Variants in MAPT observed in about 807,000 individuals in gnomAD.
MAPT encodes microtubule-associated protein tau.
In MAPT, 34 loss-of-function variants were observed where a neutral mutation model predicts 67.9. The observed-to-expected ratio is 0.50, with a 90% CI of 0.38 to 0.67. MAPT has a LOEUF of 0.67. Ranked by LOEUF, MAPT falls within the 30% of genes least tolerant of loss-of-function variation. The probability of loss-of-function intolerance (pLI) is 0.00; values close to 1 mark genes in which losing one functional copy is unlikely to be tolerated. For missense variants in MAPT, 881 were observed against 1,115.2 expected, an observed-to-expected ratio of 0.79 and a Z score of 2.99; for synonymous variants, 456 against 464.5, an observed-to-expected ratio of 0.98 and a Z score of 0.23.
intron 1 of MAPT, among the ~76,000 whole-genome samples, chr17:45,916,389 G>A (rs1194585032): frequency 1.3e-5 from 2 of 152,204 alleles, no homozygotes; most frequent in Non-Finnish European, 2.9e-5. Context: ...GGATCACTCT[G>A]CTTGCAGAAC....
chr17:46,006,860 T>C (rs1235189544), intron 9 of MAPT, among the ~76,000 whole-genome samples: 1 of 151,532 alleles, frequency 6.6e-6, no homozygotes, highest in Non-Finnish European at 1.5e-5. Flanking sequence ...GAGGCGGAGC[T>C]TGCAGTGAGC....
At chr17:45,935,757 T>C (rs1394999734) in intron 1 of MAPT, among the ~76,000 whole-genome samples, 1 of 152,130 alleles carries the variant, frequency 6.6e-6, no homozygotes, top group Non-Finnish European at 1.5e-5. Context: ...CTCCTCTCTT[T>C]AGCACAGAGG....
chr17:45,925,505 C>T lies in MAPT; in HGVS notation c.-18+30819C>T, dbSNP rs560903648. 5.9e-5 allele frequency among the ~76,000 whole-genome samples: 9 copies of T among 152,352 alleles called. No individual in the cohort carries two copies. In the South Asian group the frequency reaches 1.0e-3, roughly 18 times the overall value. On this transcript the variant is annotated intron_variant, in intron 1 of 12. Coordinates refer to ENST00000262410, the MANE Select transcript of MAPT (RefSeq NM_001377265.1). ...TACTCTTTGACCCAGAATTTCACTT[C>T]TAGGAATCTGTCCTAAGGAAGTAGT...
At chr17:45,962,162 G>A (rs1437683254) in intron 1 of MAPT, among the ~76,000 whole-genome samples, 159 bp from the exon 2 acceptor site, 1 of 152,172 alleles carries the variant, frequency 6.6e-6, no homozygotes, top group Non-Finnish European at 1.5e-5. Context: ...GCAGGAATAT[G>A]GAGCACGGGA....
At chr17:45,978,257 G>A in intron 3 of MAPT, 118 bp from the exon 4 acceptor site, 2 of 821,074 alleles carry the variant, frequency 2.4e-6, no homozygotes, top group Non-Finnish European at 4.3e-6. Context: ...TGGTATTCTT[G>A]GGATGTGACT....
intron 10 of MAPT, among the ~76,000 whole-genome samples, chr17:46,014,009 C>A (rs1354768847): frequency 1.3e-5 from 2 of 152,144 alleles, no homozygotes; most frequent in Admixed American, 1.3e-4. Flanking sequence ...GTCCCACAGT[C>A]CCCAGCTCCC....
intron 1 of MAPT, among the ~76,000 whole-genome samples, chr17:45,922,756 G>A (rs915776925): frequency 6.6e-6 from 1 of 152,110 alleles, no homozygotes; most frequent in Non-Finnish European, 1.5e-5. Flanking sequence ...TCCCCTCTGG[G>A]AAGTCAGACC....
chr17:45,958,982 G>C (rs1394017245), intron 1 of MAPT, among the ~76,000 whole-genome samples: 1 of 152,188 alleles, frequency 6.6e-6, no homozygotes, highest in Non-Finnish European at 1.5e-5. Flanking sequence ...AGAATTGCTT[G>C]AACACGGGAG....
chr17:45,987,177 A>G, intron 6 of MAPT, 82 bp downstream of exon 6: 2 of 1,295,872 alleles, frequency 1.5e-6, no homozygotes, highest in South Asian at 1.2e-5. Context: ...ATTCTCATAT[A>G]TAATGTGGGG....
chr17:45,964,855 A>G (rs56166491), intron 2 of MAPT, among the ~76,000 whole-genome samples: 21,791 of 149,978 alleles, frequency 0.15, 2,139 homozygotes, highest in Non-Finnish European at 0.22. Flanking sequence ...TCTCCATCCC[A>G]CAACACTGCC....
chr17:45,950,772 C>T (rs967620322), intron 1 of MAPT, among the ~76,000 whole-genome samples: 6 of 152,238 alleles, frequency 3.9e-5, no homozygotes, highest in South Asian at 2.1e-4. Flanking sequence ...AAGTGATTCT[C>T]ATGCCTCAGC....
chr17:46,020,282 G>A (rs1422399641), intron 12 of MAPT, among the ~76,000 whole-genome samples: 1 of 152,158 alleles, frequency 6.6e-6, no homozygotes, highest in Admixed American at 6.5e-5. Context: ...TAGTCTCTAG[G>A]TCTTGCTGTG....
chr17:45,953,199 G>A (rs779335453), intron 1 of MAPT, among the ~76,000 whole-genome samples: 6 of 152,236 alleles, frequency 3.9e-5, no homozygotes, highest in Non-Finnish European at 8.8e-5. Flanking sequence ...CGAAGCTGTC[G>A]TTCTTGTGCT....
chr17:45,919,705 G>A (rs1396746977), intron 1 of MAPT, among the ~76,000 whole-genome samples: 3 of 152,220 alleles, frequency 2.0e-5, no homozygotes, highest in Non-Finnish European at 4.4e-5. Context: ...CCAGGAGTTC[G>A]AGACCAACCT....
At chr17:45,989,022 CAGGT>C (rs930697167) in intron 6 of MAPT, among the ~76,000 whole-genome samples, 4 of 152,020 alleles carry the variant, frequency 2.6e-5, no homozygotes, top group African/African-American at 9.7e-5. Context: ...TAACCTAAGT[CAGGT>C]AGAATCTTTC....
chr17:46,015,336 G>T (rs1568335011), intron 11 of MAPT, among the ~76,000 whole-genome samples: 1 of 150,350 alleles, frequency 6.7e-6, no homozygotes, highest in African/African-American at 2.5e-5. Flanking sequence ...CTCCAGCCTG[G>T]GTGACAGTGA....
In MAPT at chr17:45,914,059, G is replaced by A. The variant is rs554802125; in HGVS notation, c.-18+19373G>A. 6.6e-5 allele frequency among the ~76,000 whole-genome samples: 10 copies of A among 152,310 alleles called. No individual in the cohort carries two copies. The East Asian group carries it at 1.7e-3, about 26-fold the overall frequency. ...GCTCACAGGAAAAGGATAAAAAAAGGAGGAGGGATTTAACATGAAAAGGTG... is the reference window on the plus strand; with the variant it reads ...GCTCACAGGAAAAGGATAAAAAAAGAAGGAGGGATTTAACATGAAAAGGTG... On this transcript the variant is annotated intron_variant, in intron 1 of 12. Transcript: ENST00000262410.
chr17:45,908,357 G>A (rs4792893), intron 1 of MAPT: 12,091 of 152,324 alleles, frequency 0.079, 648 homozygotes, highest in Middle Eastern at 0.13. Context: ...GCCCAGGGAA[G>A]ATGACATTCA....
intron 1 of MAPT, among the ~76,000 whole-genome samples, chr17:45,953,303 C>T (rs1318714745): frequency 1.3e-5 from 2 of 152,216 alleles, no homozygotes; most frequent in African/African-American, 4.8e-5. Flanking sequence ...TGTCAAGTAG[C>T]GCCTCAAGGA....
Sources: gnomAD v4.1 joint callset for allele counts (sites outside exome capture counted in the v4.1 genomes callset) on GRCh38, gnomAD v4.1.1 for gene constraint, MANE v1.5 for transcripts, NCBI Gene and HGNC (gene_info 2026-07-23, HGNC 2026-07-21) for gene names.